The following PCDHA1 variants were observed in gnomAD, a reference collection of about 807,000 sequenced individuals.
PCDHA1 encodes the protein protocadherin alpha 1.
In PCDHA1, 42 loss-of-function variants were observed where a neutral mutation model predicts 61.3. The observed-to-expected ratio is 0.69, with a 90% CI of 0.54 to 0.89. The LOEUF (loss-of-function observed/expected upper bound fraction) is 0.89. Ranked by LOEUF, PCDHA1 falls within the 40% of genes least tolerant of loss-of-function variation. PCDHA1 has a pLI of 0.00. For missense variants in PCDHA1, 1,256 were observed against 1,235.3 expected (o/e 1.02, Z -0.25); for synonymous variants, 610 against 553.8 (o/e 1.10, Z -1.43).
chr5:140,802,932 G>T, intron 1 of PCDHA1: 3 of 1,613,832 alleles, frequency 1.9e-6, no homozygotes, highest in Non-Finnish European at 2.5e-6. Flanking sequence ...CGCAGTGAGC[G>T]AGCTGGTGCC....
Position 140,809,112 on chromosome 5 carries a change from C to T in PCDHA1, c.2394+20428C>T, listed in dbSNP as rs782204017. Reference sequence around the variant, plus strand: ...ACGCGTGCCCTGGACGAAACGGACGCTCCGCGCCACCGCCTACTGGTACTG... The same window carrying T: ...ACGCGTGCCCTGGACGAAACGGACGTTCCGCGCCACCGCCTACTGGTACTG... On this transcript the variant is annotated intron_variant, in intron 1 of 3. Transcript: ENST00000504120. The T allele has an allele frequency of 1.2e-6, 2 of 1,613,970 alleles. No homozygotes were observed. The highest frequency in any genetic ancestry group is 8.5e-7 in the Non-Finnish European group (1 of 1,179,920).
At chr5:140,903,625 A>T (rs2153481028) in intron 1 of PCDHA1, among the ~76,000 whole-genome samples, 1 of 152,362 alleles carries the variant, frequency 6.6e-6, no homozygotes, top group East Asian at 1.9e-4. Context: ...GTGCATGCAT[A>T]TGTATGCATA....
Position 140,841,121 on chromosome 5 carries a change from A to T in PCDHA1, c.2394+52437A>T, listed in dbSNP as rs1777036212. The T allele has an allele frequency of 1.1e-5, 7 of 638,568 alleles. No individual in the cohort carries two copies. In the African/African-American group the frequency reaches 1.3e-4, roughly 12 times the overall value. 39.6% of individuals were successfully genotyped at this position (638,568 alleles called of 1,614,324 possible). A position where few individuals can be genotyped will look rare whatever the true frequency, so the allele number is the denominator to read the frequency against. The stretch of plus-strand genomic sequence containing the variant: ...TATTGCGGAAGTAATTCATGTAATC[A>T]TTACCTTTTGAAGCCACATGATGTC... On this transcript the variant is annotated intron_variant, in intron 1 of 3. Transcript: ENST00000504120.
intron 1 of PCDHA1, chr5:140,968,562 C>T (rs1210264786): frequency 4.3e-6 from 7 of 1,614,090 alleles, no homozygotes; most frequent in Non-Finnish European, 8.5e-7. Context: ...CGAACTGCCC[C>T]TGCTGGCTAC....
chr5:141,009,471 G>A, intron 3 of PCDHA1, 156 bp from the exon 4 acceptor site: 1 of 961,136 alleles, frequency 1.0e-6, no homozygotes, highest in Non-Finnish European at 1.2e-6. Context: ...AAATAAATAA[G>A]TAAACACTTG....
chr5:140,848,963 C>G (rs376979276), intron 1 of PCDHA1: 3 of 1,606,264 alleles, frequency 1.9e-6, no homozygotes, highest in Non-Finnish European at 1.7e-6. Flanking sequence ...CACTAGAGGG[C>G]GCGTCCGATG....
At chr5:140,957,189 G>A (rs1376112973) in intron 1 of PCDHA1, among the ~76,000 whole-genome samples, 1 of 152,056 alleles carries the variant, frequency 6.6e-6, no homozygotes. Context: ...ATTGATGACC[G>A]ATTGGGAATA....
At chr5:140,871,729 G>T in intron 1 of PCDHA1, 2 of 714,516 alleles carry the variant, frequency 2.8e-6, no homozygotes, top group South Asian at 2.4e-5. Context: ...TTAATATTTG[G>T]TTAGCAAATC....
intron 1 of PCDHA1, chr5:140,808,433 G>A: frequency 6.2e-7 from 1 of 1,614,160 alleles, no homozygotes. Context: ...CCTGGACCGC[G>A]AGAGCGTGTC....
At chr5:140,926,483 A>C (rs1261469017) in intron 1 of PCDHA1, 4 of 168,788 alleles carry the variant, frequency 2.4e-5, no homozygotes, top group East Asian at 1.7e-4. Flanking sequence ...TAAGGAGAGA[A>C]GTGTTAGTGT....
chr5:140,837,423 A>T (rs1278858635), intron 1 of PCDHA1, among the ~76,000 whole-genome samples: 3 of 151,962 alleles, frequency 2.0e-5, no homozygotes, highest in African/African-American at 7.3e-5. Flanking sequence ...TCAAAATTTC[A>T]AAGAGTGAAA....
chr5:140,875,157 A>T, intron 1 of PCDHA1: 1 of 333,552 alleles, frequency 3.0e-6, no homozygotes, highest in Non-Finnish European at 5.3e-6. Flanking sequence ...CGTGAAAAAT[A>T]ACCCAAAGTC....
intron 1 of PCDHA1, among the ~76,000 whole-genome samples, chr5:140,937,093 A>G (rs1466127180): frequency 6.8e-6 from 1 of 146,414 alleles, no homozygotes; most frequent in African/African-American, 2.6e-5. Context: ...GCTGGAGTGC[A>G]GTGGCGCAGT....
chr5:140,835,829 G>A (rs2150246092), intron 1 of PCDHA1: 8 of 1,612,356 alleles, frequency 5.0e-6, no homozygotes, highest in African/African-American at 1.3e-5. Flanking sequence ...CGGGGGACGC[G>A]GACGCGCAGA....
At chr5:140,808,699 G>A in intron 1 of PCDHA1, 2 of 1,612,210 alleles carry the variant, frequency 1.2e-6, no homozygotes, top group Non-Finnish European at 8.5e-7. Context: ...AGCGCGCGCT[G>A]TCGAGCTACG....
intron 1 of PCDHA1, chr5:140,884,108 G>A (rs782424793): frequency 3.1e-6 from 5 of 1,613,286 alleles, no homozygotes; most frequent in Admixed American, 3.3e-5. Context: ...ATTGCAGCTG[G>A]CGGCGGTCGG....
intron 1 of PCDHA1, chr5:140,867,368 C>A (rs1036514483): frequency 6.6e-6 from 1 of 151,940 alleles, no homozygotes; most frequent in African/African-American, 2.4e-5. Context: ...TTTACAGATG[C>A]GTAATGGAAT....
At chr5:140,809,141 A>T in intron 1 of PCDHA1, 2 of 1,613,966 alleles carry the variant, frequency 1.2e-6, no homozygotes, top group Non-Finnish European at 1.7e-6. Flanking sequence ...GGTACTGGTG[A>T]AGGACCACGG....
chr5:140,838,244 G>A (rs1372782254), intron 1 of PCDHA1, among the ~76,000 whole-genome samples: 4 of 149,760 alleles, frequency 2.7e-5, no homozygotes, highest in Non-Finnish European at 5.9e-5. Flanking sequence ...CTCCCAAGTA[G>A]CTGGGATTAA....
Sources: allele counts gnomAD v4.1 joint callset (sites outside exome capture counted in the v4.1 genomes callset), GRCh38; gene constraint gnomAD v4.1.1; transcripts MANE v1.5; gene names NCBI Gene and HGNC (gene_info 2026-07-23, HGNC 2026-07-21).